SPATA22: variants seen among roughly 807,000 people sequenced by gnomAD.
The protein encoded by SPATA22 is spermatogenesis associated 22.
A neutral mutation model predicts 47.8 loss-of-function variants in SPATA22; 29 were observed. That is an observed-to-expected ratio of 0.61 (90% CI 0.45 to 0.83). SPATA22 has a LOEUF of 0.83. Among genes scored for constraint, SPATA22 ranks in the 40% least tolerant of loss-of-function variants. The pLI, the probability that SPATA22 is intolerant of heterozygous loss-of-function variation, is 0.00. For synonymous variants in SPATA22, 133 were observed against 140.9 expected (o/e 0.94, Z 0.40); for missense variants, 410 against 421.7 (o/e 0.97, Z 0.24).
At chr17:3,471,559 T>C in intron 1 of SPATA22, 123 bp downstream of exon 1, 1 of 983,660 alleles carries the variant, frequency 1.0e-6, no homozygotes, top group Non-Finnish European at 1.2e-6. Flanking sequence ...CGGCCTCAAA[T>C]GGCGGCCTGT....
At chr17:3,480,914 GT>G (rs1166196764) in intron 1 of SPATA22, among the ~76,000 whole-genome samples, 1 of 152,182 alleles carries the variant, frequency 6.6e-6, no homozygotes, top group African/African-American at 2.4e-5. Flanking sequence ...GGCAGTTTTA[GT>G]TCAAGACCAG....
intron 1 of SPATA22, among the ~76,000 whole-genome samples, chr17:3,496,253 C>A (rs1311854958): frequency 6.6e-6 from 1 of 152,202 alleles, no homozygotes; most frequent in African/African-American, 2.4e-5. Context: ...GAAGGTTCCT[C>A]ATGGAGCTTC....
chr17:3,471,852 C>G (rs143134811), upstream of SPATA22: 47 of 985,396 alleles, frequency 4.8e-5, no homozygotes, highest in Non-Finnish European at 5.7e-5. Flanking sequence ...ACCGCGCAGG[C>G]GCAGTGGCCG....
intron 2 of SPATA22, 95 bp downstream of exon 2, chr17:3,469,188 A>G (rs1344500043): frequency 3.3e-6 from 2 of 605,070 alleles, no homozygotes; most frequent in East Asian, 5.9e-5. Context: ...TTAACTGTTC[A>G]ATCTATTTTA....
At chr17:3,442,898 T>G (rs1366189024) in intron 8 of SPATA22, among the ~76,000 whole-genome samples, 1 of 151,938 alleles carries the variant, frequency 6.6e-6, no homozygotes, top group African/African-American at 2.4e-5. Context: ...CATATCACAG[T>G]GTAACATTTC....
intron 3 of SPATA22, among the ~76,000 whole-genome samples, chr17:3,464,951 C>G (rs527354884): frequency 9.4e-6 from 1 of 106,010 alleles, no homozygotes; most frequent in South Asian, 2.7e-4. Context: ...GCGCCTCTGC[C>G]CAGCCGCCCC....
chr17:3,480,471 A>G (rs9901015), intron 1 of SPATA22, among the ~76,000 whole-genome samples: 38,323 of 152,056 alleles, frequency 0.25, 5,183 homozygotes, highest in East Asian at 0.46. Context: ...ATCAGTTCCT[A>G]CGTGGGGACC....
At chr17:3,478,766 T>A (rs1415246517) in intron 1 of SPATA22, among the ~76,000 whole-genome samples, 2 of 152,158 alleles carry the variant, frequency 1.3e-5, no homozygotes, top group Non-Finnish European at 2.9e-5. Flanking sequence ...CCATCCTGCC[T>A]CTCCCAAATT....
At chr17:3,452,796 A>T (rs1161741759) in intron 5 of SPATA22, among the ~76,000 whole-genome samples, 1 of 152,148 alleles carries the variant, frequency 6.6e-6, no homozygotes, top group Non-Finnish European at 1.5e-5. Context: ...AGAAATGGAT[A>T]AATACCTAGA....
chr17:3,446,665 C>T lies in SPATA22; in HGVS notation c.673-64G>A. On this transcript the variant is annotated intron_variant, in intron 6 of 8. Transcript: ENST00000572969. ...TTGTTTTTTTCATCATACTCGTTTA[C>T]CTTCTACGTAAAAATTCTAAGTCCT... 6 of 1,273,964 alleles carry T rather than the reference C, an allele frequency of 4.7e-6. No homozygotes were observed. In the South Asian group the frequency reaches 9.6e-5, roughly 20 times the overall value. The allele number at this position is 1,273,964 out of a possible 1,614,324, so 78.9% of individuals were successfully genotyped here. A position where few individuals can be genotyped will look rare whatever the true frequency, so the allele number is the denominator to read the frequency against.
chr17:3,478,051 G>A (rs929714769), intron 1 of SPATA22, among the ~76,000 whole-genome samples: 6 of 152,062 alleles, frequency 3.9e-5, no homozygotes, highest in African/African-American at 1.4e-4. Context: ...CGGGCATGGT[G>A]GCGGGCACCT....
intron 6 of SPATA22, among the ~76,000 whole-genome samples, chr17:3,448,605 A>T (rs1193992360): frequency 6.6e-6 from 1 of 152,236 alleles, no homozygotes; most frequent in Non-Finnish European, 1.5e-5. Context: ...TTGAAAGGAA[A>T]AGGAGCAGCC....
upstream of SPATA22, chr17:3,476,151 CT>C (rs1368535697): frequency 1.2e-6 from 2 of 1,609,878 alleles, no homozygotes; most frequent in African/African-American, 2.7e-5. Flanking sequence ...ATAAAAACTA[CT>C]TGGTGAAATG....
At chr17:3,469,966 G>A (rs544135688) in intron 1 of SPATA22, among the ~76,000 whole-genome samples, 4 of 151,928 alleles carry the variant, frequency 2.6e-5, no homozygotes, top group East Asian at 3.9e-4. Context: ...GGTGGCGGGC[G>A]CCTGTAATCC....
intron 1 of SPATA22, among the ~76,000 whole-genome samples, chr17:3,470,868 C>G (rs1300563062): frequency 6.7e-6 from 1 of 149,914 alleles, no homozygotes; most frequent in Non-Finnish European, 1.5e-5. Context: ...GAAAATATTC[C>G]TGGTGGCCAG....
chr17:3,500,733 T>C (rs7210916), intron 1 of SPATA22: 1 of 151,636 alleles, frequency 6.6e-6, no homozygotes, highest in East Asian at 1.9e-4. Context: ...CTCGATCTCC[T>C]GACCTCATGA....
chr17:3,481,939 G>A, intron 1 of SPATA22: 1 of 760,008 alleles, frequency 1.3e-6, no homozygotes, highest in Non-Finnish European at 2.1e-6. Context: ...CTTGGTGGTT[G>A]GGGGGAAAGG....
Position 3,490,668 on chromosome 17 carries a change from T to C in SPATA22, c.-73-21270A>G, listed in dbSNP as rs6502727. On this transcript the variant is annotated intron_variant, in intron 1 of 8. Transcript: ENST00000541913. The surrounding 1 kb of genome is among the most constrained non-coding windows in gnomAD (Gnocchi z 4.6). Reference sequence around the variant, plus strand: ...CAGGTTCTATACTGTCTAATGGAACTGGTTTTGAGAAGATCACAACATACT... The same window carrying C: ...CAGGTTCTATACTGTCTAATGGAACCGGTTTTGAGAAGATCACAACATACT... Among the ~76,000 whole-genome samples, 77,467 of 152,018 alleles carry C rather than the reference T, an allele frequency of 0.51. 20,320 individuals carry two copies. Among genetic ancestry groups the C allele is most frequent in the Middle Eastern group, 0.61 (179 of 294 alleles).
chr17:3,506,706 G>A (rs142656510), intron 1 of SPATA22, among the ~76,000 whole-genome samples: 70 of 152,234 alleles, frequency 4.6e-4, no homozygotes, highest in Non-Finnish European at 9.0e-4. Context: ...TCGGGAGGCC[G>A]AGGCAGGTGG....
Sources: allele counts gnomAD v4.1 joint callset (sites outside exome capture counted in the v4.1 genomes callset), GRCh38; gene constraint gnomAD v4.1.1; non-coding constraint Gnocchi (gnomAD v3.1); transcripts MANE v1.5; gene names NCBI Gene and HGNC (gene_info 2026-07-23, HGNC 2026-07-21).